NAA16: variants seen among roughly 807,000 people sequenced by gnomAD.
NAA16 encodes the protein N-alpha-acetyltransferase 16, NatA auxiliary subunit.
A neutral mutation model predicts 110.3 loss-of-function variants in NAA16; 97 were observed. That is an observed-to-expected ratio of 0.88 (90% confidence interval 0.75 to 1.04). NAA16 has a LOEUF of 1.04. Among genes scored for constraint, NAA16 ranks in the 50% least tolerant of loss-of-function variants. NAA16 has a pLI of 0.00. For missense variants in NAA16, 1,017 were observed against 1,005.1 expected (o/e 1.01, Z -0.16); for synonymous variants, 372 against 330.6 (o/e 1.13, Z -1.36).
At position 41,358,347 on chromosome 13, in the gene NAA16, G is replaced by A. The variant is rs750911744; in HGVS notation, c.1131G>A (p.Gln377=). The change falls in exon 11 of 20, where the codon CAG becomes CAA. Residue 377 remains glutamine (Q), a synonymous_variant. Transcript: ENST00000379406. ...KEPPTTLLWV[Q]YFLAQHFDKL... ...CCCCGACAACACTACTCTGGGTTCA[G>A]TATTTCCTGGCACAGCACTTTGATA... is the stretch of plus-strand genomic sequence containing the variant. The A allele has an allele frequency of 1.2e-6, 2 of 1,613,996 alleles. No individual in the cohort carries two copies. Among genetic ancestry groups the A allele is most frequent in the Admixed American group, 1.7e-5 (1 of 60,016 alleles).
intron 8 of NAA16, among the ~76,000 whole-genome samples, chr13:41,336,430 A>ACTGAGTGTGCTAGTCG (rs1783630647): frequency 6.6e-6 from 1 of 152,188 alleles, no homozygotes; most frequent in African/African-American, 2.4e-5. Context: ...TGAGCTGTAG[A>ACTGAGTGTGCTAGTCG]CTGAGTGTGC....
At position 41,311,494 on chromosome 13, in the gene NAA16, T is replaced by TC. The variant is rs2041555652; in HGVS notation, c.-32dup. On this transcript the variant is annotated 5_prime_UTR_variant, in exon 1 of 20. Transcript: ENST00000379406. ...AAGCGGAGCGCCCGGGCACCTAGCC[T>TC]CCCTGCCGGCCACCTAGCCTCCCTG... 6.4e-7 allele frequency: 1 copy of TC among 1,572,688 alleles called. No individual in the cohort carries two copies. Among genetic ancestry groups the TC allele is most frequent in the Non-Finnish European group, 8.6e-7 (1 of 1,159,782 alleles).
intron 2 of NAA16, among the ~76,000 whole-genome samples, chr13:41,317,339 G>GTTTTT (rs961069534): frequency 1.4e-5 from 2 of 143,042 alleles, no homozygotes; most frequent in African/African-American, 2.9e-5. Flanking sequence ...GTTTTGTTTT[G>GTTTTT]TTTTTTTTTA....
intron 9 of NAA16, among the ~76,000 whole-genome samples, chr13:41,343,686 CA>C (rs1236831973): frequency 6.6e-6 from 1 of 152,138 alleles, no homozygotes; most frequent in African/African-American, 2.4e-5. Flanking sequence ...CACACCGCCA[CA>C]CCCGGCTAAT....
intron 10 of NAA16, among the ~76,000 whole-genome samples, chr13:41,355,525 G>C (rs1039824947): frequency 4.6e-5 from 7 of 152,144 alleles, no homozygotes; most frequent in African/African-American, 1.4e-4. Flanking sequence ...CGCCTCCTGG[G>C]TTCAACTGAT....
chr13:41,343,751 G>T (rs1050883125), intron 9 of NAA16, among the ~76,000 whole-genome samples: 1 of 152,186 alleles, frequency 6.6e-6, no homozygotes, highest in African/African-American at 2.4e-5. Context: ...ATGTTGCCCA[G>T]GCTGGTCTCG....
At chr13:41,317,057 G>A in intron 2 of NAA16, 127 bp downstream of exon 2, 1 of 646,840 alleles carries the variant, frequency 1.5e-6, no homozygotes, top group Non-Finnish European at 2.8e-6. Flanking sequence ...TAAATGTTCA[G>A]CATTTTTTTA....
At chr13:41,326,929 C>G (rs996046743) in intron 6 of NAA16, among the ~76,000 whole-genome samples, 11 of 152,098 alleles carry the variant, frequency 7.2e-5, no homozygotes, top group African/African-American at 2.7e-4. Context: ...CCTTTCCATC[C>G]CTCACTCCTG....
chr13:41,356,611 G>A (rs993948991), intron 10 of NAA16, among the ~76,000 whole-genome samples: 1 of 152,080 alleles, frequency 6.6e-6, no homozygotes, highest in Admixed American at 6.6e-5. Context: ...CTTTGTGTTT[G>A]GTTTATTTGA....
chr13:41,324,393 T>TGA (rs2042033450), intron 5 of NAA16, among the ~76,000 whole-genome samples: 1 of 58,960 alleles, frequency 1.7e-5, no homozygotes, highest in Non-Finnish European at 3.2e-5. Context: ...TTTTTTTTTT[T>TGA]GAGACAGAGT....
chr13:41,366,895 A>G (rs900725756), intron 13 of NAA16, among the ~76,000 whole-genome samples: 5 of 152,206 alleles, frequency 3.3e-5, no homozygotes, highest in African/African-American at 9.6e-5. Flanking sequence ...TCGCATCCCT[A>G]ATAAGAAGCT....
In NAA16 at chr13:41,357,095, A is replaced by G. The variant is rs574496597; in HGVS notation, c.1088-1209A>G. ...ACACTTTTGGGGATGCTGAGGCAGA[A>G]AGATCTCTTGAAGCCAGGATTTGGA... On this transcript the variant is annotated intron_variant, in intron 10 of 19. Coordinates refer to ENST00000379406, the MANE Select transcript of NAA16 (RefSeq NM_024561.5). Among the ~76,000 whole-genome samples, 12 of 152,324 alleles carry G rather than the reference A, an allele frequency of 7.9e-5. No homozygotes were observed. The South Asian group carries it at 1.7e-3, about 21-fold the overall frequency.
intron 10 of NAA16, among the ~76,000 whole-genome samples, chr13:41,356,657 G>A (rs575729842): frequency 1.6e-3 from 240 of 152,222 alleles, no homozygotes; most frequent in African/African-American, 5.6e-3. Context: ...CAAATAATTG[G>A]TTGTTATATC....
chr13:41,358,471 A>G lies in NAA16; in HGVS notation c.1255A>G (p.Lys419Glu). The G allele has an allele frequency of 6.2e-7, 1 of 1,613,074 alleles. No homozygotes were observed. The highest frequency in any genetic ancestry group is 8.5e-7 in the Non-Finnish European group (1 of 1,179,194). ...ELFYMKAKIY[K>E]HIGNLKEAAK... ...ATTCTATATGAAAGCAAAAATTTAC[A>G]AGGTAAAATCTGAATCCTGTTTTTT... Residue 419 changes from lysine (K) to glutamate (E), a missense_variant and splice_region_variant, in exon 11 of 20, where the codon AAG becomes GAG. Physicochemically the swap from Lys to Glu is moderately conservative, Grantham distance 56. Transcript: ENST00000379406.
At chr13:41,313,430 A>G (rs1593392830) in intron 1 of NAA16, among the ~76,000 whole-genome samples, 1 of 152,254 alleles carries the variant, frequency 6.6e-6, no homozygotes, top group East Asian at 1.9e-4. Flanking sequence ...AGGATTCTGC[A>G]TAAACGAATG....
chr13:41,374,105 A>G (rs1490314883), intron 18 of NAA16, among the ~76,000 whole-genome samples: 1 of 151,418 alleles, frequency 6.6e-6, no homozygotes, highest in Non-Finnish European at 1.5e-5. Flanking sequence ...GAAAGCTTTA[A>G]TGTTGATTTG....
chr13:41,325,815 C>G lies in NAA16; in HGVS notation c.655C>G (p.Gln219Glu). The G allele has an allele frequency of 1.2e-6, 2 of 1,604,006 alleles. No homozygotes were observed. Among genetic ancestry groups the G allele is most frequent in the Non-Finnish European group, 1.7e-6 (2 of 1,175,326 alleles). ...GGAACATATAGAAATGTATGAGAAA[C>G]AAATATGTGATAAACTTTTGGTGGA... ...SLEHIEMYEK[Q>E]ICDKLLVEEI... The change falls in exon 6 of 20, where the codon CAA (glutamine) becomes GAA (glutamate). Residue 219 changes from glutamine to glutamate, a missense_variant. Coordinates refer to ENST00000379406, the MANE Select transcript of NAA16 (RefSeq NM_024561.5).
Position 41,367,438 on chromosome 13 carries a change from G to T in NAA16, c.1540-1G>T. ...TTAATTTTGTGATTTTTGTTTTTAA[G>T]CATTTTTTTGAGATAACTGATGACC... On this transcript the variant is annotated splice_acceptor_variant, in intron 13 of 19. Transcript: ENST00000379406. LOFTEE classifies it high-confidence loss of function. 1.3e-6 allele frequency: 2 copies of T among 1,580,158 alleles called. No individual in the cohort carries two copies. Among genetic ancestry groups the T allele is most frequent in the South Asian group, 1.2e-5 (1 of 86,948 alleles).
intron 9 of NAA16, among the ~76,000 whole-genome samples, chr13:41,344,641 G>A (rs1383785902): frequency 2.6e-5 from 4 of 152,114 alleles, no homozygotes; most frequent in Non-Finnish European, 5.9e-5. Context: ...GTAATGTAGG[G>A]CTGTCCTATG....
Sources: gnomAD v4.1 joint callset for allele counts (sites outside exome capture counted in the v4.1 genomes callset) on GRCh38, gnomAD v4.1.1 for gene constraint, MANE v1.5 for transcripts, NCBI Gene and HGNC (gene_info 2026-07-23, HGNC 2026-07-21) for gene names.